Variants in DNAH11 observed in about 807,000 individuals in gnomAD.
DNAH11 encodes the protein axonemal beta dynein heavy chain 11.
DNAH11 carries 442 observed loss-of-function variants against 526.0 expected under a neutral mutation model. That is an observed-to-expected ratio of 0.84 (90% CI 0.78 to 0.91). DNAH11 has a LOEUF of 0.91. DNAH11 is among the 40% of genes least tolerant of loss of function. DNAH11 has a pLI of 0.00. For synonymous variants in DNAH11, 2,461 were observed against 1,935.9 expected (o/e 1.27, Z -7.12); for missense variants, 6,989 against 5,448.7 (o/e 1.28, Z -8.90).
chr7:21,829,058 C>T (rs917903899), intron 65 of DNAH11, among the ~76,000 whole-genome samples: 3 of 152,106 alleles, frequency 2.0e-5, no homozygotes, highest in Non-Finnish European at 2.9e-5. Flanking sequence ...AACAACTCCC[C>T]TCTTGTGGTT....
At chr7:21,900,754 C>G in intron 81 of DNAH11, 1 of 352,014 alleles carries the variant, frequency 2.8e-6, no homozygotes, top group Non-Finnish European at 5.0e-6. Flanking sequence ...TCTTAGAATC[C>G]CATTTCATAA....
intron 75 of DNAH11, among the ~76,000 whole-genome samples, chr7:21,883,926 C>G (rs1006417918): frequency 2.6e-5 from 4 of 152,070 alleles, no homozygotes; most frequent in African/African-American, 9.7e-5. Context: ...GCCTGTAGTC[C>G]TAGTTACTTG....
In DNAH11 at chr7:21,836,019, TAAA is replaced by T. The variant is rs150710659; in HGVS notation, c.10692-6521_10692-6519del. On this transcript the variant is annotated intron_variant, in intron 65 of 81. Transcript: ENST00000409508. ...CCATTTACAAAAGCTACCAAATAAA[TAAA>T]AAACCTAAGAAATTTAACCAAGGAG... Among the ~76,000 whole-genome samples, 256 of 151,502 alleles carry T rather than the reference TAAA, an allele frequency of 1.7e-3. 5 individuals are homozygous for T. The East Asian group carries it at 0.046, about 27-fold the overall frequency.
chr7:21,749,447 C>T (rs1786304256), intron 52 of DNAH11, among the ~76,000 whole-genome samples: 1 of 152,144 alleles, frequency 6.6e-6, no homozygotes, highest in South Asian at 2.1e-4. Flanking sequence ...CATCCCTCTG[C>T]TCCAGTAAGC....
intron 30 of DNAH11, among the ~76,000 whole-genome samples, chr7:21,664,593 G>C (rs1782356053): frequency 6.6e-6 from 1 of 152,058 alleles, no homozygotes; most frequent in East Asian, 1.9e-4. Context: ...TGAGTAGCTA[G>C]GACCACAGGT....
intron 66 of DNAH11, among the ~76,000 whole-genome samples, chr7:21,849,698 T>C (rs1782549572): frequency 6.6e-6 from 1 of 152,200 alleles, no homozygotes; most frequent in African/African-American, 2.4e-5. Context: ...CCTTGTTCCT[T>C]CATAGGTAAG....
chr7:21,832,769 G>T (rs1368665395), intron 65 of DNAH11, among the ~76,000 whole-genome samples: 1 of 152,178 alleles, frequency 6.6e-6, no homozygotes, highest in Non-Finnish European at 1.5e-5. Context: ...GGTGCAGCCT[G>T]GGAACCAAGA....
chr7:21,564,930 T>G (rs1465498793), intron 6 of DNAH11, among the ~76,000 whole-genome samples: 1 of 152,186 alleles, frequency 6.6e-6, no homozygotes, highest in Non-Finnish European at 1.5e-5. Context: ...AAGGACCACC[T>G]TCCTCTGTGT....
intron 73 of DNAH11, among the ~76,000 whole-genome samples, chr7:21,870,238 C>A (rs573411154): frequency 6.6e-6 from 1 of 152,288 alleles, no homozygotes; most frequent in East Asian, 1.9e-4. Flanking sequence ...CACCCTCATG[C>A]AAGATACAGC....
chr7:21,700,917 T>C (rs1583606860), intron 36 of DNAH11, among the ~76,000 whole-genome samples: 1 of 151,886 alleles, frequency 6.6e-6, no homozygotes, highest in African/African-American at 2.4e-5. Context: ...AGTGAGAACA[T>C]ATGGGCACAA....
chr7:21,762,979 G>C (rs1047349232), intron 54 of DNAH11, among the ~76,000 whole-genome samples: 1 of 152,140 alleles, frequency 6.6e-6, no homozygotes, highest in Non-Finnish European at 1.5e-5. Context: ...ATTTGATAAG[G>C]AATTAATTAA....
intron 75 of DNAH11, among the ~76,000 whole-genome samples, chr7:21,881,497 A>G (rs141882608): frequency 6.0e-4 from 92 of 152,330 alleles, no homozygotes; most frequent in Middle Eastern, 3.4e-3. Context: ...CATCAAGAAC[A>G]TTTGTGTAAG....
intron 55 of DNAH11, among the ~76,000 whole-genome samples, chr7:21,768,817 T>C (rs1436062111): frequency 6.6e-6 from 1 of 152,206 alleles, no homozygotes; most frequent in East Asian, 1.9e-4. Context: ...ATTTTTAAAA[T>C]GGCATGCCAA....
chr7:21,683,833 G>T lies in DNAH11; in HGVS notation c.5510G>T (p.Trp1837Leu), dbSNP rs1562488853. The change falls in exon 32 of 82, where the codon TGG (tryptophan) becomes TTG (leucine). Residue 1837 changes from tryptophan (W) to leucine (L), a missense_variant. Trp to Leu is a moderately conservative substitution (Grantham distance 61). Transcript: ENST00000409508. ...TGGCTGTCTCAACTTCGTCACCGAT[G>T]GGAGGATACCCAGAAACACTGCTTT... ...FTWLSQLRHR[W>L]EDTQKHCFVN... 6.2e-7 allele frequency: 1 copy of T among 1,613,006 alleles called. No individual in the cohort carries two copies. Among genetic ancestry groups the T allele is most frequent in the East Asian group, 2.2e-5 (1 of 44,862 alleles).
At chr7:21,859,905 G>A (rs1246494554) in intron 68 of DNAH11, among the ~76,000 whole-genome samples, 5 of 152,004 alleles carry the variant, frequency 3.3e-5, no homozygotes, top group African/African-American at 1.2e-4. Context: ...ACAAAACACA[G>A]CAAATAACCA....
At chr7:21,675,742 G>GC (rs1782851561) in intron 30 of DNAH11, among the ~76,000 whole-genome samples, 1 of 152,182 alleles carries the variant, frequency 6.6e-6, no homozygotes, top group Non-Finnish European at 1.5e-5. Flanking sequence ...TGCTAAGCAT[G>GC]AGAACATAAC....
At chr7:21,728,681 A>G (rs1273014071) in intron 45 of DNAH11, among the ~76,000 whole-genome samples, 4 of 152,224 alleles carry the variant, frequency 2.6e-5, no homozygotes, top group Admixed American at 2.6e-4. Flanking sequence ...GGTACAATTC[A>G]TCCTGAGGCA....
At chr7:21,591,057 C>A in intron 13 of DNAH11, 35 bp downstream of exon 13, 1 of 1,396,174 alleles carries the variant, frequency 7.2e-7, no homozygotes, top group African/African-American at 1.5e-5. Flanking sequence ...GATACTAGGG[C>A]CTATTATGAA....
intron 65 of DNAH11, among the ~76,000 whole-genome samples, chr7:21,829,252 G>T (rs1024238493): frequency 2.0e-5 from 3 of 149,142 alleles, no homozygotes; most frequent in African/African-American, 7.5e-5. Flanking sequence ...CCAATTAGTA[G>T]GCTATATTAT....
Sources: gnomAD v4.1 joint callset for allele counts (sites outside exome capture counted in the v4.1 genomes callset) on GRCh38, gnomAD v4.1.1 for gene constraint, MANE v1.5 for transcripts, NCBI Gene and HGNC (gene_info 2026-07-23, HGNC 2026-07-21) for gene names.